The following ATRNL1 variants were observed in gnomAD, a reference collection of about 807,000 sequenced individuals.
ATRNL1 encodes the protein attractin-like protein 1.
In ATRNL1, 95 loss-of-function variants were observed where a neutral mutation model predicts 182.7. That is an observed-to-expected ratio of 0.52 (90% CI 0.44 to 0.62). The LOEUF is 0.62. Among genes scored for constraint, ATRNL1 ranks in the 20% least tolerant of loss-of-function variants. ATRNL1 has a pLI of 0.00. For synonymous variants in ATRNL1, 576 were observed against 568.3 expected (o/e 1.01, Z -0.19); for missense variants, 1,471 against 1,679.5 (o/e 0.88, Z 2.17).
intron 21 of ATRNL1, among the ~76,000 whole-genome samples, chr10:115,453,713 T>G (rs948233546): frequency 6.7e-6 from 1 of 148,210 alleles, no homozygotes; most frequent in Admixed American, 6.9e-5. Flanking sequence ...AACCAAACAC[T>G]GCATGTTCTC....
intron 26 of ATRNL1, among the ~76,000 whole-genome samples, chr10:115,688,055 G>A (rs1593068192): frequency 6.6e-6 from 1 of 151,986 alleles, no homozygotes; most frequent in Admixed American, 6.6e-5. Flanking sequence ...CTATAAGTGA[G>A]AACATGCAGT....
At chr10:115,118,674 C>G (rs1215148236) in intron 1 of ATRNL1, among the ~76,000 whole-genome samples, 1 of 152,124 alleles carries the variant, frequency 6.6e-6, no homozygotes, top group Non-Finnish European at 1.5e-5. Context: ...TCCTCCTCTC[C>G]CCTTGAGGCT....
intron 5 of ATRNL1, among the ~76,000 whole-genome samples, chr10:115,157,344 T>C (rs1846570057): frequency 6.6e-6 from 1 of 152,100 alleles, no homozygotes; most frequent in Non-Finnish European, 1.5e-5. Flanking sequence ...TAAATTAATA[T>C]TCAGTTAATT....
chr10:115,424,318 A>G (rs1041986278), intron 20 of ATRNL1, among the ~76,000 whole-genome samples: 1 of 152,192 alleles, frequency 6.6e-6, no homozygotes, highest in Non-Finnish European at 1.5e-5. Context: ...AGGATCTTCT[A>G]TCCACCGTTG....
chr10:115,508,865 CTAAA>C (rs1437258734), intron 24 of ATRNL1, among the ~76,000 whole-genome samples: 3 of 152,010 alleles, frequency 2.0e-5, no homozygotes, highest in Non-Finnish European at 4.4e-5. Context: ...AGTAGCTACA[CTAAA>C]TAACAGATTC....
At chr10:115,788,437 A>G (rs1417130245) in intron 27 of ATRNL1, among the ~76,000 whole-genome samples, 1 of 152,194 alleles carries the variant, frequency 6.6e-6, no homozygotes, top group Non-Finnish European at 1.5e-5. Flanking sequence ...CACATTATAA[A>G]TTACAGATTA....
chr10:115,943,391 A>G (rs564556613), intron 28 of ATRNL1, among the ~76,000 whole-genome samples: 1 of 152,350 alleles, frequency 6.6e-6, no homozygotes, highest in Admixed American at 6.5e-5. Context: ...TAAAGAAGGT[A>G]TACATGTGGC....
chr10:115,824,913 T>G (rs1290954641), intron 27 of ATRNL1, among the ~76,000 whole-genome samples: 4 of 152,184 alleles, frequency 2.6e-5, no homozygotes, highest in Admixed American at 2.0e-4. Flanking sequence ...GGAGTTTAAA[T>G]CATTCTACTA....
At position 115,933,061 on chromosome 10, in the gene ATRNL1, A is replaced by G. The variant is rs565471719; in HGVS notation, c.4019-11597A>G. On this transcript the variant is annotated intron_variant, in intron 28 of 28. Coordinates refer to ENST00000355044, the MANE Select transcript of ATRNL1 (RefSeq NM_207303.4). ...TCCCTTGAGAGAGATCAGAACTCAT[A>G]TGAAAGGTGAACAGATTCTTCCCTT... Among the ~76,000 whole-genome samples the G allele has an allele frequency of 1.8e-4, 28 of 152,344 alleles. 1 individual carries two copies. In the South Asian group the frequency reaches 3.3e-3, roughly 18 times the overall value.
chr10:115,642,022 A>G (rs781912397), intron 26 of ATRNL1, among the ~76,000 whole-genome samples: 11 of 152,114 alleles, frequency 7.2e-5, no homozygotes, highest in Non-Finnish European at 1.5e-4. Context: ...TAAAATAAAC[A>G]CGCAGAGCAA....
chr10:115,353,221 G>A (rs571321903), intron 19 of ATRNL1, among the ~76,000 whole-genome samples: 9 of 152,234 alleles, frequency 5.9e-5, no homozygotes, highest in African/African-American at 1.7e-4. Flanking sequence ...GTCTAGTAAT[G>A]TTTGCTTTAT....
At chr10:115,095,497 G>A (rs1408630028) in intron 1 of ATRNL1, among the ~76,000 whole-genome samples, 1 of 151,634 alleles carries the variant, frequency 6.6e-6, no homozygotes, top group Non-Finnish European at 1.5e-5. Context: ...TTAACTAGTA[G>A]GTTTTGGAAG....
intron 28 of ATRNL1, among the ~76,000 whole-genome samples, chr10:115,936,290 A>G (rs1229433375): frequency 1.3e-5 from 2 of 152,178 alleles, no homozygotes; most frequent in East Asian, 3.9e-4. Context: ...TTTAATCCTC[A>G]CGATGACTTG....
At chr10:115,930,533 A>C (rs1413043038) in intron 28 of ATRNL1, among the ~76,000 whole-genome samples, 2 of 152,196 alleles carry the variant, frequency 1.3e-5, no homozygotes, top group Non-Finnish European at 2.9e-5. Flanking sequence ...TATTTGAATG[A>C]AAATCAAATT....
In ATRNL1 at chr10:115,449,305, G is replaced by A. The variant is rs189299235; in HGVS notation, c.3323-12636G>A. ...TTGACTTCAGAGGGATGGCTTGACG[G>A]GGAATATCAGAGGAGAGCTTGGCTG... is the stretch of plus-strand genomic sequence containing the variant. On this transcript the variant is annotated intron_variant, in intron 21 of 28. Transcript: ENST00000355044. Among the ~76,000 whole-genome samples, 414 of 152,276 alleles carry A rather than the reference G, an allele frequency of 2.7e-3. 1 individual carries two copies. The highest frequency in any genetic ancestry group is 5.2e-3 in the Admixed American group (80 of 15,294).
intron 20 of ATRNL1, among the ~76,000 whole-genome samples, chr10:115,407,985 CTTTTTTTTTTT>C (rs71010022): frequency 1.6e-4 from 16 of 97,806 alleles, no homozygotes; most frequent in Middle Eastern, 6.0e-3. Flanking sequence ...ATTTGCATTT[CTTTTTTTTTTT>C]TTTTTTTTTT....
intron 28 of ATRNL1, among the ~76,000 whole-genome samples, chr10:115,890,770 A>G (rs148829017): frequency 8.5e-5 from 13 of 152,310 alleles, no homozygotes; most frequent in Middle Eastern, 3.4e-3. Context: ...TATCAGCTTA[A>G]TGGTACCTTT....
At chr10:115,608,168 T>C (rs1422915539) in intron 26 of ATRNL1, among the ~76,000 whole-genome samples, 1 of 151,996 alleles carries the variant, frequency 6.6e-6, no homozygotes, top group Non-Finnish European at 1.5e-5. Context: ...ACATGGTAAT[T>C]TGTATTGAAA....
chr10:115,370,774 A>G (rs1554947823), intron 19 of ATRNL1, among the ~76,000 whole-genome samples: 2 of 152,258 alleles, frequency 1.3e-5, no homozygotes, highest in African/African-American at 4.8e-5. Flanking sequence ...AATTCAAGCC[A>G]GCTGCAGAAA....
Sources: allele counts gnomAD v4.1 joint callset (sites outside exome capture counted in the v4.1 genomes callset), GRCh38; gene constraint gnomAD v4.1.1; transcripts MANE v1.5; gene names NCBI Gene and HGNC (gene_info 2026-07-23, HGNC 2026-07-21).